Variants in SPRR2G observed in about 807,000 individuals in gnomAD.
SPRR2G encodes the protein small proline rich protein 2G.
A neutral mutation model predicts 0.7 loss-of-function variants in SPRR2G; 1 was observed. That is an observed-to-expected ratio of 1.49 (90% CI 0.53 to 7.06). The LOEUF is 7.06. Ranked by LOEUF, SPRR2G falls within the 30% of genes most tolerant of loss-of-function variation. SPRR2G has a pLI of 0.14. For missense variants in SPRR2G, 96 were observed against 88.5 expected (o/e 1.09, Z -0.34); for synonymous variants, 38 against 33.9 (o/e 1.12, Z -0.42).
At chr1:153,173,590 C>A in the SPRR2G span, among the ~76,000 whole-genome samples, 1 of 152,164 alleles carries the variant, frequency 6.6e-6, no homozygotes. Context: ...ACAAGGGAGG[C>A]AACCAGATTT....
chr1:153,178,470 C>G, the SPRR2G span, among the ~76,000 whole-genome samples: 8 of 152,102 alleles, frequency 5.3e-5, no homozygotes, highest in African/African-American at 1.9e-4. Flanking sequence ...TGACCTTCAT[C>G]GCATAGAGAA....
the SPRR2G span, among the ~76,000 whole-genome samples, chr1:153,197,014 A>G: frequency 1.3e-5 from 2 of 151,266 alleles, no homozygotes; most frequent in Non-Finnish European, 2.9e-5. Context: ...CAAGAGAATG[A>G]CTCCCATTTA....
the SPRR2G span, among the ~76,000 whole-genome samples, chr1:153,203,049 A>T: frequency 6.6e-6 from 1 of 152,228 alleles, no homozygotes; most frequent in South Asian, 2.1e-4. Context: ...GAAGAATGTC[A>T]AAATGGCAGT....
the SPRR2G span, among the ~76,000 whole-genome samples, chr1:153,188,924 C>T: frequency 6.6e-6 from 1 of 152,168 alleles, no homozygotes; most frequent in African/African-American, 2.4e-5. Flanking sequence ...CACCCCTTTG[C>T]ACTTCCCGGG....
At chr1:153,184,763 G>C in the SPRR2G span, among the ~76,000 whole-genome samples, 1 of 152,166 alleles carries the variant, frequency 6.6e-6, no homozygotes, top group Non-Finnish European at 1.5e-5. Flanking sequence ...CGGTGAGAGA[G>C]GGCATACTTG....
the SPRR2G span, among the ~76,000 whole-genome samples, chr1:153,193,001 A>G: frequency 2.0e-5 from 3 of 152,170 alleles, no homozygotes; most frequent in African/African-American, 7.2e-5. Flanking sequence ...CACTAGGACT[A>G]GGTTTCCATT....
the SPRR2G span, among the ~76,000 whole-genome samples, chr1:153,163,291 C>A: frequency 4.3e-3 from 656 of 152,276 alleles, 7 homozygotes; most frequent in Middle Eastern, 0.02. Context: ...GATCAGCAGA[C>A]AAATTATCTC....
the SPRR2G span, among the ~76,000 whole-genome samples, chr1:153,187,128 CAT>C: frequency 6.6e-6 from 1 of 152,148 alleles, no homozygotes; most frequent in African/African-American, 2.4e-5. Context: ...CTGCCCTTAA[CAT>C]ATTTTTTATT....
At chr1:153,186,407 G>C in the SPRR2G span, among the ~76,000 whole-genome samples, 2 of 152,164 alleles carry the variant, frequency 1.3e-5, no homozygotes, top group African/African-American at 2.4e-5. Flanking sequence ...CCTGTATTGG[G>C]TGCATATATA....
chr1:153,185,605 CT>C, the SPRR2G span, among the ~76,000 whole-genome samples: 133 of 152,154 alleles, frequency 8.7e-4, no homozygotes, highest in Admixed American at 3.5e-3. Flanking sequence ...ATTCTTCTCT[CT>C]TTTCTTCTTT....
chr1:153,183,197 G>T, the SPRR2G span, among the ~76,000 whole-genome samples: 6 of 138,612 alleles, frequency 4.3e-5, no homozygotes, highest in East Asian at 1.4e-3. Flanking sequence ...GTGTGGTGGC[G>T]CATGCCTGTA....
chr1:153,192,917 G>C, the SPRR2G span, among the ~76,000 whole-genome samples: 1 of 152,168 alleles, frequency 6.6e-6, no homozygotes, highest in African/African-American at 2.4e-5. Flanking sequence ...CTGGGAACTG[G>C]TGGTATCAAA....
chr1:153,169,741 G>A, the SPRR2G span, among the ~76,000 whole-genome samples: 2 of 152,292 alleles, frequency 1.3e-5, no homozygotes, highest in South Asian at 2.1e-4. Flanking sequence ...GCTCAATTGT[G>A]TATGTGCACA....
At chr1:153,176,322 T>G in the SPRR2G span, 1 of 152,218 alleles carries the variant, frequency 6.6e-6, no homozygotes, top group Admixed American at 6.5e-5. Flanking sequence ...CACTCATGTT[T>G]GTTACTCACC....
At chr1:153,159,697 G>A in the SPRR2G span, among the ~76,000 whole-genome samples, 1 of 152,300 alleles carries the variant, frequency 6.6e-6, no homozygotes, top group East Asian at 1.9e-4. Context: ...TGGCTAGGGA[G>A]GCCTCAGGAA....
rs2101647053 is a variant in SPRR2G, at chr1:153,149,801, T to C, written c.*88A>G. The C allele has an allele frequency of 1.3e-6, 2 of 1,524,868 alleles. No homozygotes were observed. Among genetic ancestry groups the C allele is most frequent in the East Asian group, 4.5e-5 (2 of 44,268 alleles). 94.5% of individuals were successfully genotyped at this position (1,524,868 alleles called of 1,614,324 possible). A position where few individuals can be genotyped will look rare whatever the true frequency, so the allele number is the denominator to read the frequency against. On this transcript the variant is annotated 3_prime_UTR_variant, in exon 2 of 2. Transcript: ENST00000368748. ...GGTTAGGGAAGATGCAGCCTCCCAC[T>C]ACAGCTGAAGGGAAGATGATGGAGT... is the stretch of plus-strand genomic sequence containing the variant.
At chr1:153,162,639 G>C in the SPRR2G span, among the ~76,000 whole-genome samples, 1 of 151,982 alleles carries the variant, frequency 6.6e-6, no homozygotes, top group Non-Finnish European at 1.5e-5. Context: ...AGAAAGTGAG[G>C]GGCCGCAGGG....
At chr1:153,189,799 G>A in the SPRR2G span, among the ~76,000 whole-genome samples, 2 of 152,114 alleles carry the variant, frequency 1.3e-5, no homozygotes, top group East Asian at 1.9e-4. Flanking sequence ...GATGAGTAAG[G>A]AGAAAAAATG....
chr1:153,186,494 T>C, the SPRR2G span, among the ~76,000 whole-genome samples: 1 of 152,218 alleles, frequency 6.6e-6, no homozygotes, highest in East Asian at 1.9e-4. Context: ...TTTTTGACCT[T>C]TGTTGGTTTA....
Sources: gnomAD v4.1 joint callset for allele counts (sites outside exome capture counted in the v4.1 genomes callset) on GRCh38, gnomAD v4.1.1 for gene constraint, MANE v1.5 for transcripts, NCBI Gene and HGNC (gene_info 2026-07-23, HGNC 2026-07-21) for gene names.